Variants in DCAF6 observed in about 807,000 individuals in gnomAD.
The protein encoded by DCAF6 is DDB1 and CUL4 associated factor 6.
In DCAF6, 54 loss-of-function variants were observed where a neutral mutation model predicts 125.1. The ratio of observed to expected loss-of-function variants is 0.43; its 90% CI spans 0.35 to 0.54. DCAF6 has a LOEUF of 0.54. DCAF6 is among the 20% of genes least tolerant of loss of function. The pLI is 0.01. For missense variants in DCAF6, 934 were observed against 1,161.7 expected (o/e 0.80, Z 2.85); for synonymous variants, 371 against 390.4 (o/e 0.95, Z 0.58).
chr1:167,936,128 C>T, upstream of DCAF6: 1 of 466,502 alleles, frequency 2.1e-6, no homozygotes, highest in East Asian at 4.3e-5. Flanking sequence ...AAAATAATCA[C>T]CTCACCAAGT....
chr1:167,987,929 A>C (rs1571821141), intron 5 of DCAF6, among the ~76,000 whole-genome samples: 1 of 152,072 alleles, frequency 6.6e-6, no homozygotes, highest in East Asian at 1.9e-4. Flanking sequence ...AATTTATATA[A>C]ATGTATCTCA....
At chr1:167,943,289 T>C (rs80086442) in intron 1 of DCAF6, among the ~76,000 whole-genome samples, 1 of 152,224 alleles carries the variant, frequency 6.6e-6, no homozygotes, top group Non-Finnish European at 1.5e-5. Flanking sequence ...ATTTTAGAAC[T>C]AGCTTGTCAA....
the DCAF6 span, among the ~76,000 whole-genome samples, chr1:167,914,635 G>A: frequency 6.6e-6 from 1 of 152,236 alleles, no homozygotes; most frequent in African/African-American, 2.4e-5. Flanking sequence ...AATGGGCACT[G>A]GATTTGAGTT....
the DCAF6 span, among the ~76,000 whole-genome samples, chr1:167,925,844 G>T: frequency 6.6e-6 from 1 of 152,120 alleles, no homozygotes; most frequent in Non-Finnish European, 1.5e-5. Flanking sequence ...ACCGTGCCCG[G>T]CCACAAATAA....
intron 13 of DCAF6, among the ~76,000 whole-genome samples, chr1:168,041,900 A>G (rs1461238374): frequency 9.3e-6 from 1 of 107,846 alleles, no homozygotes; most frequent in East Asian, 2.2e-4. Flanking sequence ...TCGCGCACAC[A>G]CACACACACA....
chr1:167,911,441 G>A, the DCAF6 span, among the ~76,000 whole-genome samples: 1 of 152,218 alleles, frequency 6.6e-6, no homozygotes, highest in Admixed American at 6.5e-5. Flanking sequence ...TTAGGTCATA[G>A]CCTGTTCCTC....
chr1:168,004,410 T>C (rs60142550), intron 9 of DCAF6, 123 bp from the exon 10 acceptor site: 91,608 of 1,105,756 alleles, frequency 0.083, 4,413 homozygotes, highest in Non-Finnish European at 0.087. Flanking sequence ...CCAGTAGTTA[T>C]TATCACTGAA....
chr1:167,937,056 G>C (rs1028613649), intron 1 of DCAF6, 48 bp downstream of exon 1: 11 of 1,493,254 alleles, frequency 7.4e-6, no homozygotes, highest in East Asian at 7.0e-5. Flanking sequence ...CGCCTAGAGT[G>C]GGGGAGGGGG....
At chr1:168,019,926 T>C (rs985648741) in intron 11 of DCAF6, 1 of 155,208 alleles carries the variant, frequency 6.4e-6, no homozygotes, top group Non-Finnish European at 1.4e-5. Flanking sequence ...GTGTTTGATG[T>C]TTATAAGTAG....
At chr1:168,048,255 C>T (rs1291100420) in intron 16 of DCAF6, among the ~76,000 whole-genome samples, 1 of 152,124 alleles carries the variant, frequency 6.6e-6, no homozygotes, top group Non-Finnish European at 1.5e-5. Context: ...TCCCTCCATG[C>T]TGCCATTTGC....
chr1:167,997,588 A>T (rs1347917843), intron 7 of DCAF6, among the ~76,000 whole-genome samples: 5 of 152,158 alleles, frequency 3.3e-5, no homozygotes, highest in Non-Finnish European at 4.4e-5. Flanking sequence ...AGAAGAAATC[A>T]GAAAATTCAC....
At chr1:167,937,170 C>T (rs751671191) in intron 1 of DCAF6, 162 bp downstream of exon 1, 24 of 638,662 alleles carry the variant, frequency 3.8e-5, no homozygotes, top group Non-Finnish European at 5.6e-5. Context: ...GTGCCGGTGC[C>T]TCCCCCAGTC....
At chr1:168,033,140 ATAGT>A (rs916623010) in intron 12 of DCAF6, among the ~76,000 whole-genome samples, 3 of 152,194 alleles carry the variant, frequency 2.0e-5, no homozygotes, top group Admixed American at 1.3e-4. Context: ...ATTACAAAAA[ATAGT>A]TACTTTGTGA....
At chr1:168,060,134 TA>T in intron 17 of DCAF6, among the ~76,000 whole-genome samples, 1 of 152,342 alleles carries the variant, frequency 6.6e-6, no homozygotes, top group South Asian at 2.1e-4. Context: ...TGTATCCAGC[TA>T]CATTCCTTTT....
At chr1:167,893,906 G>T in the DCAF6 span, 3 of 1,613,654 alleles carry the variant, frequency 1.9e-6, no homozygotes, top group South Asian at 1.1e-5. Context: ...TCCAGTTCAG[G>T]ATCAGGCTTC....
intron 12 of DCAF6, among the ~76,000 whole-genome samples, chr1:168,027,510 A>T (rs2103276915): frequency 6.6e-6 from 1 of 152,260 alleles, no homozygotes; most frequent in Non-Finnish European, 1.5e-5. Flanking sequence ...CATATTTTAA[A>T]TTTGTTTTTC....
chr1:167,892,369 T>A, the DCAF6 span, among the ~76,000 whole-genome samples: 2 of 152,192 alleles, frequency 1.3e-5, no homozygotes, highest in African/African-American at 2.4e-5. Context: ...TTTAAGGACT[T>A]CTCTTCTTTG....
chr1:168,001,936 G>C (rs902838263), intron 7 of DCAF6, among the ~76,000 whole-genome samples: 10 of 152,096 alleles, frequency 6.6e-5, no homozygotes, highest in African/African-American at 2.4e-4. Context: ...AGGAAAAATT[G>C]TTAAGAGGGC....
At chr1:167,906,228 T>C in the DCAF6 span, among the ~76,000 whole-genome samples, 3 of 152,102 alleles carry the variant, frequency 2.0e-5, no homozygotes, top group Admixed American at 1.3e-4. Flanking sequence ...ATGTATATAG[T>C]ATACATTTAA....
Sources: allele counts gnomAD v4.1 joint callset (sites outside exome capture counted in the v4.1 genomes callset), GRCh38; gene constraint gnomAD v4.1.1; transcripts MANE v1.5; gene names NCBI Gene and HGNC (gene_info 2026-07-23, HGNC 2026-07-21).